ADGRB3: variants seen among roughly 807,000 people sequenced by gnomAD.
The protein encoded by ADGRB3 is brain-specific angiogenesis inhibitor 3.
ADGRB3 carries 37 observed loss-of-function variants against 193.4 expected under a neutral mutation model. The ratio of observed to expected loss-of-function variants is 0.19; its 90% CI spans 0.15 to 0.25. The LOEUF is 0.25. Among genes scored for constraint, ADGRB3 ranks in the 10% least tolerant of loss-of-function variants. The pLI is 1.00. For synonymous variants in ADGRB3, 690 were observed against 644.2 expected, an observed-to-expected ratio of 1.07 and a Z score of -1.08; for missense variants, 1,637 against 1,852.9, an observed-to-expected ratio of 0.88 and a Z score of 2.14.
intron 31 of ADGRB3, among the ~76,000 whole-genome samples, chr6:69,385,536 C>A (rs1227608597): frequency 2.0e-5 from 3 of 152,078 alleles, no homozygotes; most frequent in Non-Finnish European, 4.4e-5. Flanking sequence ...ACCAAATTAG[C>A]ATTTTGGGAA....
intron 17 of ADGRB3, among the ~76,000 whole-genome samples, chr6:69,204,136 A>G (rs1308256212): frequency 2.0e-5 from 3 of 152,184 alleles, no homozygotes; most frequent in African/African-American, 7.2e-5. Context: ...ACATTAACTT[A>G]AAGTTTCAAA....
chr6:68,786,893 G>T (rs1175886507), intron 3 of ADGRB3, among the ~76,000 whole-genome samples: 2 of 151,848 alleles, frequency 1.3e-5, no homozygotes, highest in Admixed American at 6.6e-5. Context: ...TGGATTCCTA[G>T]GTATTTTATT....
At chr6:68,665,928 G>GTA (rs1352950821) in intron 3 of ADGRB3, among the ~76,000 whole-genome samples, 6 of 151,762 alleles carry the variant, frequency 4.0e-5, no homozygotes, top group Non-Finnish European at 8.8e-5. Flanking sequence ...TAGCAGTGCA[G>GTA]TATGATCTCT....
intron 20 of ADGRB3, among the ~76,000 whole-genome samples, chr6:69,256,347 C>G (rs1026731973): frequency 6.6e-6 from 1 of 152,104 alleles, no homozygotes; most frequent in Non-Finnish European, 1.5e-5. Context: ...ATGGAATGTT[C>G]TTCCATTTGT....
intron 3 of ADGRB3, among the ~76,000 whole-genome samples, chr6:68,853,646 A>G: frequency 6.6e-6 from 1 of 152,084 alleles, no homozygotes; most frequent in East Asian, 1.9e-4. Flanking sequence ...TTATCTGCTC[A>G]ATCTGGGAAT....
At chr6:68,844,987 G>A (rs1297727440) in intron 3 of ADGRB3, among the ~76,000 whole-genome samples, 1 of 152,050 alleles carries the variant, frequency 6.6e-6, no homozygotes, top group Admixed American at 6.6e-5. Context: ...AGTGGGAGGT[G>A]GGGAGGGAAG....
intron 3 of ADGRB3, among the ~76,000 whole-genome samples, chr6:68,801,153 GTCC>G (rs1392571410): frequency 6.6e-6 from 1 of 152,054 alleles, no homozygotes; most frequent in African/African-American, 2.4e-5. Context: ...GAAAAACTTA[GTCC>G]TCCTCCTCTG....
intron 3 of ADGRB3, among the ~76,000 whole-genome samples, chr6:68,889,120 A>G (rs1562072985): frequency 1.3e-5 from 2 of 152,218 alleles, no homozygotes; most frequent in Non-Finnish European, 2.9e-5. Context: ...TAGAATAGTG[A>G]CACAAAAGTA....
chr6:68,844,733 C>A (rs1190497109), intron 3 of ADGRB3, among the ~76,000 whole-genome samples: 4 of 151,848 alleles, frequency 2.6e-5, no homozygotes, highest in Non-Finnish European at 4.4e-5. Flanking sequence ...CATCAGCAGA[C>A]AAAAATGGAT....
At chr6:68,856,570 TGA>T (rs968167219) in intron 3 of ADGRB3, among the ~76,000 whole-genome samples, 1 of 152,108 alleles carries the variant, frequency 6.6e-6, no homozygotes, top group African/African-American at 2.4e-5. Flanking sequence ...ACTTTGAACT[TGA>T]GAGAGATAAT....
chr6:69,228,561 T>C (rs574353565), intron 17 of ADGRB3, among the ~76,000 whole-genome samples: 7 of 152,324 alleles, frequency 4.6e-5, no homozygotes, highest in African/African-American at 1.2e-4. Context: ...TGTTATGGTA[T>C]GAAGAAACTG....
intron 17 of ADGRB3, among the ~76,000 whole-genome samples, chr6:69,114,310 T>A (rs1773460131): frequency 1.3e-5 from 2 of 152,242 alleles, no homozygotes; most frequent in South Asian, 4.1e-4. Context: ...ACAAATCTTT[T>A]GAGAAGTGTT....
intron 3 of ADGRB3, among the ~76,000 whole-genome samples, chr6:68,782,360 T>C (rs1766872200): frequency 6.6e-6 from 1 of 151,920 alleles, no homozygotes; most frequent in South Asian, 2.1e-4. Context: ...ATTTTCTTAA[T>C]CCAGTCTATC....
At position 69,224,781 on chromosome 6, in the gene ADGRB3, G is replaced by A. The variant is rs139637901; in HGVS notation, c.2481-8509G>A. On this transcript the variant is annotated intron_variant, in intron 17 of 31. Transcript: ENST00000370598. The stretch of plus-strand genomic sequence containing the variant: ...TTGTCTGTTTTTTAAAATGTCTGCC[G>A]TTTTTTAATGGCTGAAGCAAATGTT... Among the ~76,000 whole-genome samples, 411 of 151,948 alleles carry A rather than the reference G, an allele frequency of 2.7e-3. 1 individual carries two copies. The highest frequency in any genetic ancestry group is 0.015 in the South Asian group (70 of 4,818).
chr6:69,128,542 A>G (rs887951352), intron 17 of ADGRB3, among the ~76,000 whole-genome samples: 2 of 152,138 alleles, frequency 1.3e-5, no homozygotes, highest in African/African-American at 2.4e-5. Context: ...GATAAATCAT[A>G]CAGTAGATAT....
chr6:68,946,681 C>G (rs184155030), intron 6 of ADGRB3, among the ~76,000 whole-genome samples: 23 of 152,214 alleles, frequency 1.5e-4, no homozygotes, highest in Admixed American at 7.2e-4. Flanking sequence ...AAACCACAAA[C>G]TGTGTCTCCC....
intron 3 of ADGRB3, among the ~76,000 whole-genome samples, chr6:68,844,364 GAT>G: frequency 6.6e-6 from 1 of 152,176 alleles, no homozygotes; most frequent in East Asian, 1.9e-4. Context: ...ATGGGTAAAA[GAT>G]ATGAATAAAC....
At chr6:68,733,297 G>A (rs188010494) in intron 3 of ADGRB3, among the ~76,000 whole-genome samples, 2 of 149,124 alleles carry the variant, frequency 1.3e-5, no homozygotes, top group African/African-American at 4.9e-5. Context: ...TATATATATA[G>A]GAATACTATG....
At chr6:68,736,965 T>C (rs1255942591) in intron 3 of ADGRB3, among the ~76,000 whole-genome samples, 1 of 152,078 alleles carries the variant, frequency 6.6e-6, no homozygotes, top group Non-Finnish European at 1.5e-5. Flanking sequence ...TTGATAAGGA[T>C]ATTTTCCCTC....
Sources: gnomAD v4.1 joint callset for allele counts (sites outside exome capture counted in the v4.1 genomes callset) on GRCh38, gnomAD v4.1.1 for gene constraint, MANE v1.5 for transcripts, NCBI Gene and HGNC (gene_info 2026-07-23, HGNC 2026-07-21) for gene names.